OPCML: variants seen among roughly 807,000 people sequenced by gnomAD.
OPCML encodes opioid-binding protein/cell adhesion molecule.
In OPCML, 13 loss-of-function variants were observed where a neutral mutation model predicts 37.8. The ratio of observed to expected loss-of-function variants is 0.34; its 90% CI spans 0.22 to 0.55. The LOEUF (loss-of-function observed/expected upper bound fraction) is 0.55, where lower values mean the gene tolerates loss of function less well. Ranked by LOEUF, OPCML falls within the 20% of genes least tolerant of loss-of-function variation. The pLI, the probability that OPCML is intolerant of heterozygous loss-of-function variation, is 0.91. For missense variants in OPCML, 341 were observed against 435.6 expected (o/e 0.78, Z 1.93); for synonymous variants, 176 against 168.8 (o/e 1.04, Z -0.33).
At position 133,044,473 on chromosome 11, in the gene OPCML, G is replaced by A. The variant is rs34119742; in HGVS notation, c.62-101463C>T. Among the ~76,000 whole-genome samples the A allele has an allele frequency of 5.2e-3, 794 of 152,170 alleles. 3 individuals are homozygous for A. Among genetic ancestry groups the A allele is most frequent in the South Asian group, 7.9e-3 (38 of 4,816 alleles). ...GGGAAATCGGCTAGCCCAGTTTAAG[G>A]GACTGAGTCACACCAGTCTTTAAAA... On this transcript the variant is annotated intron_variant, in intron 1 of 7. Transcript: ENST00000524381.
At chr11:133,353,966 A>T (rs981923523) in intron 1 of OPCML, among the ~76,000 whole-genome samples, 8 of 139,928 alleles carry the variant, frequency 5.7e-5, no homozygotes, top group African/African-American at 1.6e-4. Flanking sequence ...AGGCTATGGA[A>T]GCAGATTGTC....
chr11:133,491,581 A>G (rs922055606), intron 1 of OPCML, among the ~76,000 whole-genome samples: 1 of 152,186 alleles, frequency 6.6e-6, no homozygotes, highest in Non-Finnish European at 1.5e-5. Flanking sequence ...GGGAAAGGGG[A>G]AACATGGGTA....
At chr11:132,421,152 C>A (rs931931059) in intron 7 of OPCML, among the ~76,000 whole-genome samples, 2 of 152,148 alleles carry the variant, frequency 1.3e-5, no homozygotes, top group Non-Finnish European at 2.9e-5. Context: ...GCTTCAAGGG[C>A]AGGTGTATCT....
At chr11:133,120,407 T>A (rs1949402392) in intron 1 of OPCML, among the ~76,000 whole-genome samples, 2 of 152,284 alleles carry the variant, frequency 1.3e-5, no homozygotes, top group South Asian at 2.1e-4. Context: ...TCATGGAGTT[T>A]AAAATCCACT....
chr11:132,516,755 T>A (rs1221289613), intron 4 of OPCML, among the ~76,000 whole-genome samples: 1 of 152,168 alleles, frequency 6.6e-6, no homozygotes, highest in Non-Finnish European at 1.5e-5. Context: ...CTCAACACCT[T>A]TCTCATGGTA....
chr11:132,793,697 G>A (rs4075607), intron 2 of OPCML, among the ~76,000 whole-genome samples: 119 of 152,146 alleles, frequency 7.8e-4, no homozygotes, highest in Non-Finnish European at 1.5e-3. Context: ...GCTCAGTCTT[G>A]GAAGCACACA....
At chr11:132,953,684 A>G (rs1030928727) in intron 1 of OPCML, among the ~76,000 whole-genome samples, 4 of 152,118 alleles carry the variant, frequency 2.6e-5, no homozygotes, top group Non-Finnish European at 4.4e-5. Context: ...TGGAAAATGG[A>G]TCCTTCCTCC....
intron 1 of OPCML, among the ~76,000 whole-genome samples, chr11:132,980,841 G>T (rs1946565280): frequency 6.6e-6 from 1 of 152,182 alleles, no homozygotes; most frequent in Non-Finnish European, 1.5e-5. Context: ...TGAATTTCGA[G>T]GTGTACGGTG....
At chr11:133,387,880 A>T (rs1163167978) in intron 1 of OPCML, among the ~76,000 whole-genome samples, 1 of 152,208 alleles carries the variant, frequency 6.6e-6, no homozygotes, top group Non-Finnish European at 1.5e-5. Flanking sequence ...TTACTTCGGC[A>T]GAGAACTGAA....
At chr11:133,434,786 A>T (rs1296230917) in intron 1 of OPCML, among the ~76,000 whole-genome samples, 1 of 133,702 alleles carries the variant, frequency 7.5e-6, no homozygotes, top group African/African-American at 3.1e-5. Flanking sequence ...AGAAAAAAAA[A>T]ATTATATATA....
At chr11:133,422,562 G>A (rs933995364) in intron 1 of OPCML, 10 of 953,706 alleles carry the variant, frequency 1.0e-5, no homozygotes, top group Non-Finnish European at 8.7e-6. Flanking sequence ...GTGCAGCGGT[G>A]CGAACATGCT....
intron 1 of OPCML, among the ~76,000 whole-genome samples, chr11:133,073,074 C>T (rs1436231914): frequency 1.3e-5 from 2 of 152,292 alleles, no homozygotes; most frequent in Non-Finnish European, 2.9e-5. Context: ...TCCTGAACAG[C>T]CTTCTGAGGA....
At chr11:132,507,110 A>T (rs1465573666) in intron 4 of OPCML, among the ~76,000 whole-genome samples, 1 of 54,252 alleles carries the variant, frequency 1.8e-5, no homozygotes, top group African/African-American at 6.4e-5. Context: ...ATTAAATTGT[A>T]AAAAAAAAAA....
chr11:133,196,924 A>G (rs1297018297), intron 1 of OPCML, among the ~76,000 whole-genome samples: 5 of 152,182 alleles, frequency 3.3e-5, no homozygotes, highest in Non-Finnish European at 7.3e-5. Context: ...GTACAATTTG[A>G]CATTACTCAA....
intron 4 of OPCML, among the ~76,000 whole-genome samples, chr11:132,476,516 A>G (rs1276084733): frequency 6.6e-6 from 1 of 152,202 alleles, no homozygotes; most frequent in Admixed American, 6.5e-5. Flanking sequence ...GGCCATAAAA[A>G]AGGATGAGTT....
intron 1 of OPCML, chr11:133,009,407 T>G: frequency 4.4e-6 from 1 of 225,910 alleles, no homozygotes. Flanking sequence ...GTCTGGCACT[T>G]TTGTTCCTAA....
chr11:132,804,215 C>T (rs1591633160), intron 2 of OPCML, among the ~76,000 whole-genome samples: 1 of 152,070 alleles, frequency 6.6e-6, no homozygotes, highest in East Asian at 1.9e-4. Context: ...AAGGTGAGCC[C>T]CACAATTCGC....
intron 2 of OPCML, among the ~76,000 whole-genome samples, chr11:132,751,251 C>T (rs554518066): frequency 2.0e-5 from 3 of 152,200 alleles, no homozygotes; most frequent in East Asian, 1.9e-4. Flanking sequence ...TTGGTTTACT[C>T]CTTTCCTGCC....
intron 1 of OPCML, among the ~76,000 whole-genome samples, chr11:133,028,280 G>T (rs1947601723): frequency 2.0e-5 from 3 of 152,044 alleles, no homozygotes; most frequent in Admixed American, 6.5e-5. Flanking sequence ...CCTACAGGTG[G>T]GATGTCAGGC....
Sources: allele counts gnomAD v4.1 joint callset (sites outside exome capture counted in the v4.1 genomes callset), GRCh38; gene constraint gnomAD v4.1.1; transcripts MANE v1.5; gene names NCBI Gene and HGNC (gene_info 2026-07-23, HGNC 2026-07-21).